Variants in OR10Q1 observed in about 807,000 individuals in gnomAD.
The protein encoded by OR10Q1 is olfactory receptor family 10 subfamily Q member 1.
For missense variants in OR10Q1, 435 were observed against 414.0 expected (o/e 1.05, Z -0.44); for synonymous variants, 211 against 180.5 (o/e 1.17, Z -1.35).
chr11:58,228,876 G>A lies in OR10Q1; in HGVS notation c.-1C>T. 1 of 1,613,326 alleles carries A rather than the reference G, an allele frequency of 6.2e-7. No individual in the cohort carries two copies. Among genetic ancestry groups the A allele is most frequent in the South Asian group, 1.1e-5 (1 of 91,034 alleles). On this transcript the variant is annotated 5_prime_UTR_variant, in exon 1 of 1. Coordinates refer to ENST00000316770, the MANE Select transcript of OR10Q1 (RefSeq NM_001004471.2). ...TGAAGACAAGTTTCCCCACAGGCAT[G>A]TCTTATGCAAAAGAATAGGACGCGC...
Position 58,228,057 on chromosome 11 carries a change from C to T in OR10Q1, c.819G>A (p.Glu273=), listed in dbSNP as rs746131960. The part of the protein sequence containing the change: ...VYLRPRSSTS[E]DEDSQIALVY... Reference sequence around the variant, plus strand: ...CCAACGCGATTTGGCTGTCCTCATCCTCTGAGGTGCTGGACCGAGGACGCA... The same window carrying T: ...CCAACGCGATTTGGCTGTCCTCATCTTCTGAGGTGCTGGACCGAGGACGCA... Residue 273 remains glutamate (E), a synonymous_variant, in exon 1 of 1, where the codon GAG becomes GAA. Transcript: ENST00000316770. The T allele has an allele frequency of 1.1e-5, 17 of 1,614,010 alleles. No individual in the cohort carries two copies. The highest frequency in any genetic ancestry group is 6.7e-5 in the Admixed American group (4 of 60,002).
Sources: allele counts gnomAD v4.1 joint callset, GRCh38; gene constraint gnomAD v4.1.1; transcripts MANE v1.5; gene names NCBI Gene and HGNC (gene_info 2026-07-23, HGNC 2026-07-21).